NKAIN2: variants seen among roughly 807,000 people sequenced by gnomAD.
NKAIN2 encodes the protein sodium/potassium-transporting ATPase subunit beta-1-interacting protein 2.
A neutral mutation model predicts 32.6 loss-of-function variants in NKAIN2; 14 were observed. The ratio of observed to expected loss-of-function variants is 0.43; its 90% CI spans 0.28 to 0.67. NKAIN2 has a LOEUF of 0.67. Ranked by LOEUF, NKAIN2 falls within the 30% of genes least tolerant of loss-of-function variation. The pLI is 0.17. For synonymous variants in NKAIN2, 80 were observed against 87.2 expected, an observed-to-expected ratio of 0.92 and a Z score of 0.46; for missense variants, 198 against 258.3, an observed-to-expected ratio of 0.77 and a Z score of 1.60.
chr6:124,461,858 T>C (rs1332800265), intron 3 of NKAIN2, among the ~76,000 whole-genome samples: 5 of 151,782 alleles, frequency 3.3e-5, no homozygotes, highest in African/African-American at 1.2e-4. Flanking sequence ...TGAATTCCTT[T>C]TTCCATCTTT....
intron 2 of NKAIN2, among the ~76,000 whole-genome samples, chr6:124,307,978 A>G (rs181980178): frequency 1.2e-4 from 19 of 152,062 alleles, no homozygotes; most frequent in Admixed American, 1.2e-3. Context: ...TTTAAAAAAA[A>G]TTTTTTTTAT....
chr6:123,956,823 A>T (rs780998099), intron 1 of NKAIN2, among the ~76,000 whole-genome samples: 3 of 152,236 alleles, frequency 2.0e-5, no homozygotes, highest in Non-Finnish European at 4.4e-5. Context: ...CAAGAGCTCA[A>T]GCTAGCCTCT....
At chr6:124,804,043 C>T (rs767050939) in intron 5 of NKAIN2, among the ~76,000 whole-genome samples, 15 of 152,134 alleles carry the variant, frequency 9.9e-5, no homozygotes, top group Non-Finnish European at 1.9e-4. Flanking sequence ...GCAATTGTGA[C>T]CTGATTATAG....
intron 1 of NKAIN2, among the ~76,000 whole-genome samples, chr6:124,035,990 A>G (rs1781590631): frequency 6.6e-6 from 1 of 152,118 alleles, no homozygotes; most frequent in African/African-American, 2.4e-5. Flanking sequence ...GTGATAACAT[A>G]AACTCAGTTT....
intron 3 of NKAIN2, among the ~76,000 whole-genome samples, chr6:124,408,865 T>A (rs889162090): frequency 7.8e-4 from 119 of 152,362 alleles, no homozygotes; most frequent in Non-Finnish European, 1.2e-3. Context: ...TATCCTCTTC[T>A]ATTTCATTGA....
At chr6:124,365,671 A>G in intron 3 of NKAIN2, among the ~76,000 whole-genome samples, 1 of 151,852 alleles carries the variant, frequency 6.6e-6, no homozygotes, top group Admixed American at 6.6e-5. Context: ...TAAAACAGTT[A>G]AAAAACTTGA....
intron 4 of NKAIN2, among the ~76,000 whole-genome samples, chr6:124,761,271 C>CCA (rs1168193765): frequency 1.3e-5 from 2 of 152,164 alleles, no homozygotes; most frequent in African/African-American, 2.4e-5. Flanking sequence ...CAGATAGTTA[C>CCA]CACACATGAT....
At chr6:124,642,299 T>TATA (rs1784023111) in intron 3 of NKAIN2, among the ~76,000 whole-genome samples, 1 of 152,218 alleles carries the variant, frequency 6.6e-6, no homozygotes, top group Non-Finnish European at 1.5e-5. Context: ...TCTTGAACAA[T>TATA]ATAATTTGCT....
At chr6:124,261,719 G>A (rs1396008252) in intron 1 of NKAIN2, among the ~76,000 whole-genome samples, 2 of 152,052 alleles carry the variant, frequency 1.3e-5, no homozygotes, top group South Asian at 2.1e-4. Flanking sequence ...AATTAGCAGG[G>A]CATTGTGGCG....
chr6:124,302,850 G>A (rs925144484), intron 2 of NKAIN2, among the ~76,000 whole-genome samples: 2 of 152,114 alleles, frequency 1.3e-5, no homozygotes, highest in Non-Finnish European at 2.9e-5. Flanking sequence ...AAGAATACAT[G>A]GTATATTCCC....
chr6:124,536,978 A>G (rs1779739770), intron 3 of NKAIN2, among the ~76,000 whole-genome samples: 1 of 152,210 alleles, frequency 6.6e-6, no homozygotes, highest in South Asian at 2.1e-4. Flanking sequence ...ACTAGCTTTA[A>G]CAACATGGAT....
chr6:124,134,116 A>G (rs1337653382), intron 1 of NKAIN2, among the ~76,000 whole-genome samples: 1 of 107,486 alleles, frequency 9.3e-6, no homozygotes, highest in Non-Finnish European at 2.0e-5. Context: ...AAACCAACTA[A>G]AAGAAATTAA....
At chr6:124,353,807 G>A (rs1474627270) in intron 2 of NKAIN2, among the ~76,000 whole-genome samples, 4 of 152,020 alleles carry the variant, frequency 2.6e-5, no homozygotes, top group Admixed American at 2.6e-4. Context: ...ACATGGAACA[G>A]CAAATAATAT....
intron 1 of NKAIN2, among the ~76,000 whole-genome samples, chr6:123,831,887 C>A: frequency 6.6e-6 from 1 of 152,074 alleles, no homozygotes; most frequent in Non-Finnish European, 1.5e-5. Flanking sequence ...ATCTCCTGAC[C>A]TCGTGATCCG....
chr6:123,915,661 G>T (rs148563097), intron 1 of NKAIN2, among the ~76,000 whole-genome samples: 2 of 152,210 alleles, frequency 1.3e-5, no homozygotes, highest in Non-Finnish European at 1.5e-5. Flanking sequence ...GGTTTTGATT[G>T]GGAAATACTT....
intron 3 of NKAIN2, among the ~76,000 whole-genome samples, chr6:124,466,547 T>C (rs1776763424): frequency 1.3e-5 from 2 of 151,970 alleles, no homozygotes; most frequent in African/African-American, 4.8e-5. Flanking sequence ...TCAAATCCTA[T>C]GACCTTGAAA....
At chr6:124,153,822 T>G (rs1419412171) in intron 1 of NKAIN2, among the ~76,000 whole-genome samples, 1 of 151,706 alleles carries the variant, frequency 6.6e-6, no homozygotes, top group Non-Finnish European at 1.5e-5. Flanking sequence ...TTATTTTTCT[T>G]AAATTATTGC....
chr6:124,451,023 A>G (rs184741439), intron 3 of NKAIN2, among the ~76,000 whole-genome samples: 1 of 152,266 alleles, frequency 6.6e-6, no homozygotes, highest in East Asian at 1.9e-4. Context: ...ACATGCATCA[A>G]TGAAACCAGA....
intron 3 of NKAIN2, among the ~76,000 whole-genome samples, chr6:124,610,865 A>G (rs974562304): frequency 6.6e-6 from 1 of 152,092 alleles, no homozygotes; most frequent in Non-Finnish European, 1.5e-5. Context: ...TTGACCACCA[A>G]TATATTATTT....
Sources: gnomAD v4.1 joint callset for allele counts (sites outside exome capture counted in the v4.1 genomes callset) on GRCh38, gnomAD v4.1.1 for gene constraint, MANE v1.5 for transcripts, NCBI Gene and HGNC (gene_info 2026-07-23, HGNC 2026-07-21) for gene names.